The following PEBP4 variants were observed in gnomAD, a reference collection of about 807,000 sequenced individuals.
PEBP4 encodes the protein phosphatidylethanolamine binding protein 4.
A neutral mutation model predicts 23.9 loss-of-function variants in PEBP4; 22 were observed. The ratio of observed to expected loss-of-function variants is 0.92; its 90% CI spans 0.66 to 1.31. PEBP4 has a LOEUF of 1.31. Ranked by LOEUF, PEBP4 falls within the 40% of genes most tolerant of loss-of-function variation. PEBP4 has a pLI of 0.00. For missense variants in PEBP4, 324 were observed against 281.7 expected (o/e 1.15, Z -1.07); for synonymous variants, 112 against 99.3 (o/e 1.13, Z -0.76).
chr8:22,835,527 T>A (rs1807185110), intron 3 of PEBP4, among the ~76,000 whole-genome samples: 1 of 152,172 alleles, frequency 6.6e-6, no homozygotes, highest in Admixed American at 6.5e-5. Context: ...CCTGTCCATG[T>A]CCCCAGGGGG....
chr8:22,756,939 A>C (rs1265707615), intron 4 of PEBP4: 1 of 152,216 alleles, frequency 6.6e-6, no homozygotes, highest in African/African-American at 2.4e-5. Context: ...TCATTGCCTC[A>C]GTTCTAATTT....
chr8:22,864,040 C>G (rs1807832980), intron 3 of PEBP4, among the ~76,000 whole-genome samples: 1 of 152,240 alleles, frequency 6.6e-6, no homozygotes, highest in Non-Finnish European at 1.5e-5. Flanking sequence ...AAACTCCAGT[C>G]TGACCAGATC....
At chr8:22,808,073 A>C (rs991116030) in intron 4 of PEBP4, among the ~76,000 whole-genome samples, 32 of 151,704 alleles carry the variant, frequency 2.1e-4, no homozygotes, top group Non-Finnish European at 3.8e-4. Context: ...GCATCCATCC[A>C]CCTATCCAAC....
At chr8:22,910,348 T>C (rs1421069501) in intron 3 of PEBP4, among the ~76,000 whole-genome samples, 1 of 152,252 alleles carries the variant, frequency 6.6e-6, no homozygotes, top group Non-Finnish European at 1.5e-5. Context: ...TTGCTCCATA[T>C]CACGGCACGC....
At chr8:22,831,354 A>G (rs2128764113) in intron 3 of PEBP4, among the ~76,000 whole-genome samples, 1 of 152,286 alleles carries the variant, frequency 6.6e-6, no homozygotes, top group East Asian at 1.9e-4. Flanking sequence ...CCCCCTTGAA[A>G]GTGGGGATGG....
rs552520493 is a variant in PEBP4, at chr8:22,813,302, A to G, written c.357+4335T>C. ...ATTTCCTTTTCTTTCTTAAAACAAA[A>G]AAGATATTCAGGGCAAATTTTAGAA... On this transcript the variant is annotated intron_variant, in intron 4 of 6. Transcript: ENST00000256404. 2.6e-5 allele frequency among the ~76,000 whole-genome samples: 4 copies of G among 152,346 alleles called. No homozygotes were observed. In the South Asian group the frequency reaches 8.3e-4, roughly 32 times the overall value.
At position 22,714,482 on chromosome 8, in the gene PEBP4, AT is replaced by A. The variant is rs1048186223; in HGVS notation, c.518-947del. On this transcript the variant is annotated intron_variant, in intron 6 of 6. Transcript: ENST00000256404. ...TTCTGCATGGAGCATCCTTACATGA[AT>A]TTTTTTTTCCGTTGTTTATCTGGAA... Among the ~76,000 whole-genome samples, 14 of 150,868 alleles carry A rather than the reference AT, an allele frequency of 9.3e-5. No individual in the cohort carries two copies. In the East Asian group the frequency reaches 1.7e-3, roughly 19 times the overall value.
chr8:22,760,410 T>G (rs571547480), intron 4 of PEBP4, among the ~76,000 whole-genome samples: 1 of 152,294 alleles, frequency 6.6e-6, no homozygotes, highest in African/African-American at 2.4e-5. Context: ...GCAGAGACCA[T>G]GACTTATTTA....
chr8:22,877,619 G>A (rs1808149907), intron 3 of PEBP4, among the ~76,000 whole-genome samples: 1 of 148,784 alleles, frequency 6.7e-6, no homozygotes, highest in Non-Finnish European at 1.5e-5. Context: ...CTCCTGGGCT[G>A]GGCTGAGCCC....
At chr8:22,820,414 TGA>T (rs890474518) in intron 3 of PEBP4, among the ~76,000 whole-genome samples, 18 of 151,792 alleles carry the variant, frequency 1.2e-4, no homozygotes, top group African/African-American at 4.1e-4. Flanking sequence ...GAGAAGGAAG[TGA>T]GAGAGGAAAA....
chr8:22,759,375 A>G (rs1805457644), intron 4 of PEBP4, among the ~76,000 whole-genome samples: 1 of 151,704 alleles, frequency 6.6e-6, no homozygotes, highest in Admixed American at 6.6e-5. Context: ...TTCCTCAACA[A>G]AGGGTGGACT....
chr8:22,895,322 G>A (rs573927845), intron 3 of PEBP4: 11 of 152,316 alleles, frequency 7.2e-5, no homozygotes, highest in Admixed American at 2.0e-4. Flanking sequence ...AATACCTGGA[G>A]AGGCATAATA....
chr8:22,781,917 C>T (rs1015764623), intron 4 of PEBP4, among the ~76,000 whole-genome samples: 1 of 152,154 alleles, frequency 6.6e-6, no homozygotes, highest in African/African-American at 2.4e-5. Context: ...CCAGGTAACC[C>T]GGGGGGCTGA....
chr8:22,762,382 C>T (rs1805525453), intron 4 of PEBP4, among the ~76,000 whole-genome samples: 1 of 152,082 alleles, frequency 6.6e-6, no homozygotes, highest in African/African-American at 2.4e-5. Context: ...GGTGGAAAAC[C>T]ATGTGCCAAA....
At chr8:22,774,816 T>C (rs150319837) in intron 4 of PEBP4, among the ~76,000 whole-genome samples, 1 of 152,252 alleles carries the variant, frequency 6.6e-6, no homozygotes, top group East Asian at 1.9e-4. Flanking sequence ...CGCCTCTGAC[T>C]CTTGTCCGAT....
intron 3 of PEBP4, among the ~76,000 whole-genome samples, chr8:22,838,019 C>T (rs1011548350): frequency 4.0e-5 from 6 of 151,406 alleles, no homozygotes; most frequent in Non-Finnish European, 8.8e-5. Context: ...CAACCTCAGC[C>T]CCCTGAGTAG....
At chr8:22,766,757 C>T (rs878918836) in intron 4 of PEBP4, among the ~76,000 whole-genome samples, 3 of 152,218 alleles carry the variant, frequency 2.0e-5, no homozygotes, top group Non-Finnish European at 4.4e-5. Context: ...ACTGCATGCC[C>T]TGGTGTCACT....
intron 3 of PEBP4, among the ~76,000 whole-genome samples, chr8:22,857,861 G>A: frequency 6.6e-6 from 1 of 152,190 alleles, no homozygotes; most frequent in East Asian, 1.9e-4. Flanking sequence ...CAAGGGATGG[G>A]GAGCAAGAGG....
chr8:22,857,534 C>T (rs1807679498), intron 3 of PEBP4, among the ~76,000 whole-genome samples: 1 of 152,162 alleles, frequency 6.6e-6, no homozygotes, highest in Non-Finnish European at 1.5e-5. Context: ...GAATTGGAAG[C>T]TAAGATGACA....
Sources: gnomAD v4.1 joint callset for allele counts (sites outside exome capture counted in the v4.1 genomes callset) on GRCh38, gnomAD v4.1.1 for gene constraint, MANE v1.5 for transcripts, NCBI Gene and HGNC (gene_info 2026-07-23, HGNC 2026-07-21) for gene names.